MIPEP: variants seen among roughly 807,000 people sequenced by gnomAD.
The protein encoded by MIPEP is mitochondrial intermediate peptidase.
In MIPEP, 79 loss-of-function variants were observed where a neutral mutation model predicts 90.3. The ratio of observed to expected loss-of-function variants is 0.87; its 90% CI spans 0.73 to 1.05. The LOEUF (loss-of-function observed/expected upper bound fraction) is 1.05, where lower values mean the gene tolerates loss of function less well. MIPEP is among the 50% of genes least tolerant of loss of function. MIPEP has a pLI of 0.00. For synonymous variants in MIPEP, 334 were observed against 315.8 expected (o/e 1.06, Z -0.61); for missense variants, 940 against 905.6 (o/e 1.04, Z -0.49).
At chr13:23,778,052 T>C (rs1455464794) in intron 16 of MIPEP, among the ~76,000 whole-genome samples, 1 of 152,228 alleles carries the variant, frequency 6.6e-6, no homozygotes, top group Non-Finnish European at 1.5e-5. Context: ...AAGGATTGTT[T>C]AGACGTACTT....
intron 10 of MIPEP, among the ~76,000 whole-genome samples, chr13:23,853,978 G>C (rs546860700): frequency 8.8e-4 from 134 of 152,146 alleles, no homozygotes; most frequent in African/African-American, 3.2e-3. Flanking sequence ...AGGAAAAGAA[G>C]AGCAAAGAAA....
chr13:23,851,102 C>T (rs1409924363), intron 10 of MIPEP, among the ~76,000 whole-genome samples: 1 of 152,202 alleles, frequency 6.6e-6, no homozygotes, highest in Non-Finnish European at 1.5e-5. Flanking sequence ...AGCAACAGAC[C>T]CTATTCTCAG....
intron 14 of MIPEP, among the ~76,000 whole-genome samples, chr13:23,823,738 G>A (rs77570308): frequency 1.3e-5 from 2 of 152,158 alleles, no homozygotes; most frequent in Non-Finnish European, 2.9e-5. Context: ...TGGGGCAGGA[G>A]GACTGCTTCA....
intron 16 of MIPEP, among the ~76,000 whole-genome samples, chr13:23,773,447 T>C (rs1952675806): frequency 6.6e-6 from 1 of 152,190 alleles, no homozygotes; most frequent in South Asian, 2.1e-4. Flanking sequence ...GGGCATATGT[T>C]TTCAGTTCTA....
At chr13:23,774,572 T>C (rs1418376242) in intron 16 of MIPEP, among the ~76,000 whole-genome samples, 1 of 152,190 alleles carries the variant, frequency 6.6e-6, no homozygotes, top group Non-Finnish European at 1.5e-5. Flanking sequence ...TTAGGTCTTC[T>C]TTCTTTCAAT....
At chr13:23,773,494 G>A (rs1952676862) in intron 16 of MIPEP, among the ~76,000 whole-genome samples, 1 of 152,188 alleles carries the variant, frequency 6.6e-6, no homozygotes, top group African/African-American at 2.4e-5. Context: ...GAGTGGAACT[G>A]CTGGGCCATC....
At chr13:23,786,774 C>T (rs76426811) in intron 16 of MIPEP, among the ~76,000 whole-genome samples, 282 of 152,290 alleles carry the variant, frequency 1.9e-3, no homozygotes, top group Non-Finnish European at 3.5e-3. Flanking sequence ...AAGAAAACTA[C>T]CTAATCTATT....
At chr13:23,783,272 C>T (rs2137364599) in intron 16 of MIPEP, among the ~76,000 whole-genome samples, 1 of 152,310 alleles carries the variant, frequency 6.6e-6, no homozygotes, top group East Asian at 1.9e-4. Flanking sequence ...TGGGCTTCAT[C>T]CCTGGGATGC....
intron 3 of MIPEP, 135 bp downstream of exon 3, chr13:23,881,564 C>A (rs768721408): frequency 8.1e-5 from 58 of 717,690 alleles, no homozygotes; most frequent in Admixed American, 2.1e-4. Flanking sequence ...TCCCTCCGGC[C>A]ACCCCTGGTC....
chr13:23,830,442 G>C, intron 14 of MIPEP, among the ~76,000 whole-genome samples: 1 of 152,136 alleles, frequency 6.6e-6, no homozygotes, highest in East Asian at 1.9e-4. Context: ...AGGCAAGCGG[G>C]GCAGAGATGG....
chr13:23,802,744 A>C (rs746646158), intron 16 of MIPEP, among the ~76,000 whole-genome samples: 1 of 152,106 alleles, frequency 6.6e-6, no homozygotes, highest in Non-Finnish European at 1.5e-5. Flanking sequence ...AGCAATATGC[A>C]TTCAATAGAA....
At chr13:23,869,478 A>C in intron 6 of MIPEP, 30 bp from the exon 7 acceptor site, 6 of 1,574,406 alleles carry the variant, frequency 3.8e-6, no homozygotes, top group Non-Finnish European at 5.2e-6. Context: ...GGTGAAGGCT[A>C]TAAATATCAT....
chr13:23,889,257 C>T lies in MIPEP; in HGVS notation c.64G>A (p.Ala22Thr), dbSNP rs750504844. ...CCGGCTTCGAGGCTTCCCCGGCCCG[C>T]CCGGCGGGGCGGCAGAGCTGCTGCT... is the stretch of plus-strand genomic sequence containing the variant. ...ARAAALPPRR[A>T]GRGSLEAGIR... Residue 22 changes from alanine to threonine, a missense_variant, in exon 1 of 19, where the codon GCG becomes ACG. Ala to Thr is a moderately conservative substitution (Grantham distance 58, BLOSUM62 0). Coordinates refer to ENST00000382172, the MANE Select transcript of MIPEP (RefSeq NM_005932.4). The T allele has an allele frequency of 9.5e-5, 132 of 1,388,028 alleles. No individual in the cohort carries two copies. The highest frequency in any genetic ancestry group is 5.5e-4 in the Admixed American group (15 of 27,360). The allele number at this position is 1,388,028 out of a possible 1,614,324, so 86.0% of individuals were successfully genotyped here.
At chr13:23,754,442 A>G (rs1028046046) in intron 18 of MIPEP, among the ~76,000 whole-genome samples, 3 of 152,214 alleles carry the variant, frequency 2.0e-5, no homozygotes, top group Non-Finnish European at 4.4e-5. Flanking sequence ...TGTTTGTGTT[A>G]ACTAAAATCT....
intron 16 of MIPEP, among the ~76,000 whole-genome samples, chr13:23,786,308 G>A (rs903451233): frequency 6.6e-6 from 1 of 152,110 alleles, no homozygotes; most frequent in Non-Finnish European, 1.5e-5. Context: ...AAGATTTAAT[G>A]TGAAAAATAA....
intron 18 of MIPEP, among the ~76,000 whole-genome samples, chr13:23,737,552 T>C (rs1461854569): frequency 6.6e-6 from 1 of 152,086 alleles, no homozygotes; most frequent in Non-Finnish European, 1.5e-5. Flanking sequence ...CCAGGATGAG[T>C]TCAAATATAT....
intron 14 of MIPEP, among the ~76,000 whole-genome samples, chr13:23,811,501 G>A (rs1398253563): frequency 6.6e-6 from 1 of 152,102 alleles, no homozygotes; most frequent in African/African-American, 2.4e-5. Context: ...TCCTGAGGCT[G>A]GATTTGAATT....
intron 18 of MIPEP, among the ~76,000 whole-genome samples, chr13:23,740,888 C>T (rs910905826): frequency 4.6e-5 from 7 of 152,228 alleles, no homozygotes; most frequent in Non-Finnish European, 7.4e-5. Flanking sequence ...CTTGTGGAGT[C>T]GGGGAAGGAA....
intron 15 of MIPEP, among the ~76,000 whole-genome samples, chr13:23,806,634 C>T (rs2137401997): frequency 6.6e-6 from 1 of 151,950 alleles, no homozygotes; most frequent in South Asian, 2.1e-4. Context: ...GCCGAGATTG[C>T]TCCACTGCAC....
Sources: gnomAD v4.1 joint callset for allele counts (sites outside exome capture counted in the v4.1 genomes callset) on GRCh38, gnomAD v4.1.1 for gene constraint, MANE v1.5 for transcripts, NCBI Gene and HGNC (gene_info 2026-07-23, HGNC 2026-07-21) for gene names.